Variants in BTRC observed in about 807,000 individuals in gnomAD.
BTRC encodes beta-transducin repeat containing E3 ubiquitin protein ligase.
Under a neutral mutation model 85.5 loss-of-function variants are expected in BTRC, and 42 were observed. The ratio of observed to expected loss-of-function variants is 0.49; its 90% CI spans 0.38 to 0.64. The LOEUF is 0.64. Ranked by LOEUF, BTRC falls within the 30% of genes least tolerant of loss-of-function variation. BTRC has a pLI of 0.00. For synonymous variants in BTRC, 255 were observed against 263.3 expected, an observed-to-expected ratio of 0.97 and a Z score of 0.30; for missense variants, 594 against 743.5, an observed-to-expected ratio of 0.80 and a Z score of 2.34.
chr10:101,450,036 GTTT>G (rs573860145), intron 2 of BTRC, among the ~76,000 whole-genome samples: 3 of 146,272 alleles, frequency 2.1e-5, no homozygotes, highest in Non-Finnish European at 4.5e-5. Flanking sequence ...GGTAGGAAGT[GTTT>G]TTTTTTGTTT....
intron 9 of BTRC, 76 bp downstream of exon 9, chr10:101,533,146 G>T: frequency 1.9e-6 from 2 of 1,042,014 alleles, no homozygotes; most frequent in Non-Finnish European, 1.4e-6. Context: ...TAGTAATTTT[G>T]TATATATCGG....
intron 1 of BTRC, among the ~76,000 whole-genome samples, chr10:101,405,715 G>A (rs1426815630): frequency 6.6e-6 from 1 of 152,124 alleles, no homozygotes; most frequent in Non-Finnish European, 1.5e-5. Flanking sequence ...CCTTCAGTGG[G>A]AAATACAGGA....
intron 1 of BTRC, among the ~76,000 whole-genome samples, chr10:101,368,458 GTTTTTCTTTTTTTTTTTTT>G (rs1407765249): frequency 9.4e-6 from 1 of 106,896 alleles, no homozygotes. Flanking sequence ...CTATGCAACT[GTTTTTCTTTTTTTTTTTTT>G]TTTTTTTTTT....
chr10:101,445,605 A>C (rs1050618805), intron 2 of BTRC, among the ~76,000 whole-genome samples: 1 of 152,140 alleles, frequency 6.6e-6, no homozygotes, highest in African/African-American at 2.4e-5. Flanking sequence ...CGGTCTGTCT[A>C]TTGGTCTCTT....
At chr10:101,379,904 G>A (rs1418498342) in intron 1 of BTRC, among the ~76,000 whole-genome samples, 1 of 152,128 alleles carries the variant, frequency 6.6e-6, no homozygotes, top group East Asian at 1.9e-4. Context: ...ATACAATAAA[G>A]CCCTTTTTAT....
chr10:101,551,727 A>AT (rs1256629539), intron 14 of BTRC, among the ~76,000 whole-genome samples: 1 of 152,180 alleles, frequency 6.6e-6, no homozygotes, highest in Non-Finnish European at 1.5e-5. Flanking sequence ...GAGGACAGTG[A>AT]TTCACGCCCA....
At chr10:101,384,763 T>C (rs528391224) in intron 1 of BTRC, among the ~76,000 whole-genome samples, 1 of 152,244 alleles carries the variant, frequency 6.6e-6, no homozygotes, top group East Asian at 1.9e-4. Flanking sequence ...ATTATTTTTC[T>C]TATTGAGAAG....
intron 1 of BTRC, among the ~76,000 whole-genome samples, chr10:101,383,150 A>G (rs1297844500): frequency 7.1e-6 from 1 of 140,948 alleles, no homozygotes; most frequent in African/African-American, 2.7e-5. Flanking sequence ...TGCAGCCTTG[A>G]CCTCCCAGGC....
intron 4 of BTRC, among the ~76,000 whole-genome samples, chr10:101,518,067 T>G (rs534727085): frequency 6.6e-6 from 1 of 151,290 alleles, no homozygotes; most frequent in Non-Finnish European, 1.5e-5. Flanking sequence ...CGCCCGCCAC[T>G]ACGCCCGGCT....
intron 1 of BTRC, among the ~76,000 whole-genome samples, chr10:101,363,366 A>T (rs1170820283): frequency 6.6e-6 from 1 of 152,186 alleles, no homozygotes; most frequent in African/African-American, 2.4e-5. Flanking sequence ...TGTTTCCTTA[A>T]TATCTGTTAA....
intron 1 of BTRC, among the ~76,000 whole-genome samples, chr10:101,374,729 A>G (rs529473664): frequency 1.7e-4 from 26 of 151,460 alleles, no homozygotes; most frequent in African/African-American, 6.1e-4. Context: ...ACATGTATAC[A>G]TATGTATGTA....
At chr10:101,531,734 G>C (rs2062284853) in intron 7 of BTRC, among the ~76,000 whole-genome samples, 1 of 151,942 alleles carries the variant, frequency 6.6e-6, no homozygotes, top group Non-Finnish European at 1.5e-5. Context: ...AAAAGAAAAG[G>C]AAAAGAAAAT....
chr10:101,392,604 A>G (rs1460326077), intron 1 of BTRC, among the ~76,000 whole-genome samples: 1 of 151,980 alleles, frequency 6.6e-6, no homozygotes, highest in African/African-American at 2.4e-5. Flanking sequence ...GGTTCAAGCG[A>G]TTCTCTTACC....
chr10:101,477,566 G>A (rs1945722922), intron 3 of BTRC, among the ~76,000 whole-genome samples: 1 of 151,070 alleles, frequency 6.6e-6, no homozygotes, highest in Admixed American at 6.6e-5. Context: ...CCCCTGCCTC[G>A]GCCTCCCAAA....
chr10:101,543,630 T>C (rs2062510592), intron 13 of BTRC, among the ~76,000 whole-genome samples: 2 of 152,036 alleles, frequency 1.3e-5, no homozygotes, highest in African/African-American at 4.8e-5. Flanking sequence ...TTTTTTCTTT[T>C]TTATCTCAGT....
chr10:101,413,523 A>G (rs1028123518), intron 1 of BTRC, among the ~76,000 whole-genome samples: 2 of 152,198 alleles, frequency 1.3e-5, no homozygotes, highest in African/African-American at 4.8e-5. Context: ...CATCTTGGCC[A>G]GGCTGGTCTC....
chr10:101,401,484 C>G (rs186434217), intron 1 of BTRC, among the ~76,000 whole-genome samples: 9 of 152,164 alleles, frequency 5.9e-5, no homozygotes, highest in African/African-American at 2.2e-4. Context: ...GTATAGAAAA[C>G]ATGTAGCATC....
intron 1 of BTRC, among the ~76,000 whole-genome samples, chr10:101,421,220 T>C (rs1208320576): frequency 6.6e-6 from 1 of 152,132 alleles, no homozygotes; most frequent in East Asian, 1.9e-4. Context: ...CCATGGCCAT[T>C]ACTTTAATGA....
chr10:101,426,334 A>G (rs1944250943), intron 1 of BTRC, among the ~76,000 whole-genome samples: 1 of 152,206 alleles, frequency 6.6e-6, no homozygotes, highest in Non-Finnish European at 1.5e-5. Context: ...TAATGTGCAG[A>G]TCTGACTATA....
Sources: gnomAD v4.1 joint callset for allele counts (sites outside exome capture counted in the v4.1 genomes callset) on GRCh38, gnomAD v4.1.1 for gene constraint, MANE v1.5 for transcripts, NCBI Gene and HGNC (gene_info 2026-07-23, HGNC 2026-07-21) for gene names.